The following KIF13B variants were observed in gnomAD, a reference collection of about 807,000 sequenced individuals.
KIF13B encodes kinesin-like protein KIF13B.
Under a neutral mutation model 222.0 loss-of-function variants are expected in KIF13B, and 127 were observed. The ratio of observed to expected loss-of-function variants is 0.57; its 90% CI spans 0.50 to 0.66. KIF13B has a LOEUF of 0.66. KIF13B is among the 30% of genes least tolerant of loss of function. The probability of loss-of-function intolerance (pLI) is 0.00; values close to 1 mark genes in which losing one functional copy is unlikely to be tolerated. For missense variants in KIF13B, 2,173 were observed against 2,379.0 expected, an observed-to-expected ratio of 0.91 and a Z score of 1.80; for synonymous variants, 976 against 919.0, an observed-to-expected ratio of 1.06 and a Z score of -1.12.
chr8:29,124,468 C>G (rs1810019723), intron 26 of KIF13B, among the ~76,000 whole-genome samples: 1 of 152,222 alleles, frequency 6.6e-6, no homozygotes, highest in African/African-American at 2.4e-5. Flanking sequence ...TCCAATATGG[C>G]TGGGCGTGGT....
At chr8:29,160,685 T>C (rs759273381) in intron 13 of KIF13B, 48 bp downstream of exon 13, 12 of 1,551,686 alleles carry the variant, frequency 7.7e-6, no homozygotes, top group East Asian at 4.6e-5. Context: ...CTGTGAAATA[T>C]TGTCCTATTT....
In KIF13B at chr8:29,232,832, C is replaced by T. The variant is rs1451670467; in HGVS notation, c.149+12514G>A. ...TCCATAGCACCCATACCACTGCCCACTCTCTCACCCCTCCAGCACCTGAAA... is the reference window on the plus strand; with the variant it reads ...TCCATAGCACCCATACCACTGCCCATTCTCTCACCCCTCCAGCACCTGAAA... On this transcript the variant is annotated intron_variant, in intron 2 of 39. Coordinates refer to ENST00000524189, the MANE Select transcript of KIF13B (RefSeq NM_015254.4). Among the ~76,000 whole-genome samples, 4 of 152,186 alleles carry T rather than the reference C, an allele frequency of 2.6e-5. No individual in the cohort carries two copies. The East Asian group carries it at 7.7e-4, about 29-fold the overall frequency.
chr8:29,215,100 A>T (rs1469652370), intron 2 of KIF13B, among the ~76,000 whole-genome samples: 1 of 152,098 alleles, frequency 6.6e-6, no homozygotes, highest in Non-Finnish European at 1.5e-5. Context: ...CATGAGTTGC[A>T]TTATGTTTGT....
chr8:29,137,095 C>T (rs1458198981), intron 21 of KIF13B, among the ~76,000 whole-genome samples: 7 of 152,210 alleles, frequency 4.6e-5, no homozygotes, highest in East Asian at 1.9e-4. Context: ...CCGCCGCGCC[C>T]GGCCCTGTGA....
chr8:29,150,146 C>T (rs903623843), intron 15 of KIF13B, 151 bp downstream of exon 15: 162 of 554,472 alleles, frequency 2.9e-4, no homozygotes, highest in Non-Finnish European at 3.3e-4. Context: ...AATGAACACA[C>T]ACACACATAT....
At position 29,148,209 on chromosome 8, in the gene KIF13B, A is replaced by G. The variant is rs531369232; in HGVS notation, c.1813+368T>C. Among the ~76,000 whole-genome samples, 213 of 152,348 alleles carry G rather than the reference A, an allele frequency of 1.4e-3. 1 individual carries two copies. Among genetic ancestry groups the G allele is most frequent in the African/African-American group, 4.5e-3 (187 of 41,580 alleles). ...GACAGAGCGAGACTCTCTCACAAAAAATTAAAATAAAATAAACAAGAGAGA... is the reference window on the plus strand; with the variant it reads ...GACAGAGCGAGACTCTCTCACAAAAGATTAAAATAAAATAAACAAGAGAGA... On this transcript the variant is annotated intron_variant, in intron 16 of 39. Transcript: ENST00000524189.
At position 29,167,400 on chromosome 8, in the gene KIF13B, T is replaced by C; in HGVS notation, c.1131A>G (p.Lys377=). 6.2e-7 allele frequency: 1 copy of C among 1,612,922 alleles called. No individual in the cohort carries two copies. Among genetic ancestry groups the C allele is most frequent in the Non-Finnish European group, 8.5e-7 (1 of 1,179,794 alleles). ...CTGCTTTGGTCAGCTGCTCCCGGAG[T>C]TTCTCAACTTCTTCCCGGAGATCCC... is the stretch of plus-strand genomic sequence containing the variant. ...IIRDLREEVE[K]LREQLTKAEA... is the part of the protein sequence containing the mutation. The change falls in exon 11 of 40, where the codon AAA becomes AAG. Residue 377 remains lysine (K), a synonymous_variant. Transcript: ENST00000524189.
intron 12 of KIF13B, among the ~76,000 whole-genome samples, chr8:29,162,170 C>A (rs1219367151): frequency 1.3e-5 from 2 of 152,066 alleles, no homozygotes; most frequent in Admixed American, 1.3e-4. Context: ...TAGCAAGTAG[C>A]AATGAGTCAA....
rs1437028786 is a variant in KIF13B, at chr8:29,124,045, G to C, written c.3331C>G (p.Gln1111Glu). The part of the protein sequence containing the change: ...KRQEYLDQQL[Q>E]KLVSKRDKTE... Reference sequence around the variant, plus strand: ...CTACCACGTTTACTGACAAGCTTTTGCAATTGTTGATCCAAGTACTCCTGA... The same window carrying C: ...CTACCACGTTTACTGACAAGCTTTTCCAATTGTTGATCCAAGTACTCCTGA... Residue 1111 changes from glutamine (Q) to glutamate (E), a missense_variant, in exon 27 of 40, where the codon CAA becomes GAA. Transcript: ENST00000524189. 5 of 1,610,070 alleles carry C rather than the reference G, an allele frequency of 3.1e-6. No individual in the cohort carries two copies. The Admixed American group carries it at 6.7e-5, about 22-fold the overall frequency.
At chr8:29,232,697 C>T (rs1815339285) in intron 2 of KIF13B, among the ~76,000 whole-genome samples, 1 of 152,264 alleles carries the variant, frequency 6.6e-6, no homozygotes, top group South Asian at 2.1e-4. Flanking sequence ...AACTTGTTCA[C>T]GGTAAGCACA....
chr8:29,123,823 AG>A (rs1486344385), intron 27 of KIF13B, among the ~76,000 whole-genome samples, 200 bp downstream of exon 27: 1 of 152,190 alleles, frequency 6.6e-6, no homozygotes, highest in Admixed American at 6.5e-5. Flanking sequence ...CTTTCTTTGT[AG>A]GGGGTGGGAG....
chr8:29,239,264 A>T (rs777408886), intron 2 of KIF13B, among the ~76,000 whole-genome samples: 3 of 152,174 alleles, frequency 2.0e-5, no homozygotes, highest in Non-Finnish European at 2.9e-5. Flanking sequence ...TTTGGTTCTG[A>T]TGTTTAAAGC....
chr8:29,078,143 A>AAAAAAAAAAAT (rs1290691485), intron 37 of KIF13B, among the ~76,000 whole-genome samples: 1 of 150,554 alleles, frequency 6.6e-6, no homozygotes, highest in African/African-American at 2.4e-5. Context: ...AAAAAAAAAA[A>AAAAAAAAAAAT]AATTAGCAGG....
rs2133462435 is a variant in KIF13B, at chr8:29,071,190, A to C, written c.5219-424T>G. Among the ~76,000 whole-genome samples, 1 of 152,256 alleles carries C rather than the reference A, an allele frequency of 6.6e-6. No homozygotes were observed. The highest frequency in any genetic ancestry group is 1.5e-5 in the Non-Finnish European group (1 of 67,996). On this transcript the variant is annotated intron_variant, in intron 39 of 39. Coordinates refer to ENST00000524189, the MANE Select transcript of KIF13B (RefSeq NM_015254.4). The surrounding 1 kb of genome is among the most constrained non-coding windows in gnomAD (Gnocchi z 4.9). The stretch of plus-strand genomic sequence containing the variant: ...AATGGTTCTTTTGCTGAATCTATGA[A>C]ATGGAAACTGGCAAAACTGCCAAAT...
In KIF13B at chr8:29,140,129, T is replaced by C. The variant is rs1464984153; in HGVS notation, c.2547A>G (p.Ala849=). ...RLSGDVGERI[A]GGDEVAEVSF... is the part of the protein sequence containing the mutation. The stretch of plus-strand genomic sequence containing the variant: ...AGACCTCTGCCACCTCATCGCCTCC[T>C]GCGATCCTCTCCCCAACATCACCAC... The change falls in exon 21 of 40, where the codon GCA becomes GCG. Residue 849 remains alanine (A), a synonymous_variant. Coordinates refer to ENST00000524189, the MANE Select transcript of KIF13B (RefSeq NM_015254.4). 1 of 1,613,334 alleles carries C rather than the reference T, an allele frequency of 6.2e-7. No homozygotes were observed. Among genetic ancestry groups the C allele is most frequent in the African/African-American group, 1.3e-5 (1 of 74,942 alleles).
At chr8:29,121,287 A>G (rs1353342460) in intron 29 of KIF13B, among the ~76,000 whole-genome samples, 41 of 55,778 alleles carry the variant, frequency 7.4e-4, no homozygotes, top group African/African-American at 2.9e-3. Context: ...GAGGCATCAC[A>G]CTACCTGACT....
In KIF13B at chr8:29,188,542, C is replaced by T. The variant is rs745902872; in HGVS notation, c.289G>A (p.Ala97Thr). ...ILQNAFDGYN[A>T]CIFAYGQTGS... ...GTCTGTCCATAGGCAAAGATACATG[C>T]ATTGTAGCCATCAAAAGCATTCTGC... is the stretch of plus-strand genomic sequence containing the variant. Residue 97 changes from alanine to threonine, a missense_variant, in exon 5 of 40, where the codon GCA becomes ACA. Around this residue, in one of 2 missense-constraint regions of KIF13B, gnomAD observed 1,480 missense variants for 1,722.8 expected, o/e 0.86. Transcript: ENST00000524189. 8.1e-6 allele frequency: 13 copies of T among 1,610,324 alleles called. No individual in the cohort carries two copies. The highest frequency in any genetic ancestry group is 1.7e-5 in the Admixed American group (1 of 59,966).
intron 21 of KIF13B, among the ~76,000 whole-genome samples, chr8:29,134,888 T>G (rs1369982341): frequency 6.6e-6 from 1 of 152,104 alleles, no homozygotes; most frequent in Non-Finnish European, 1.5e-5. Flanking sequence ...GGAAGGTGTA[T>G]CAAAGGAAGC....
intron 10 of KIF13B, among the ~76,000 whole-genome samples, chr8:29,168,930 G>A (rs13263360): frequency 0.6 from 91,821 of 151,998 alleles, 30,401 homozygotes; most frequent in Non-Finnish European, 0.76. Context: ...AACCCAGGCT[G>A]AGACAAATCA....
Sources: gnomAD v4.1 joint callset for allele counts (sites outside exome capture counted in the v4.1 genomes callset) on GRCh38, gnomAD v4.1.1 for gene constraint, gnomAD v4.1.1 regional missense constraint, Gnocchi (gnomAD v3.1) non-coding constraint, MANE v1.5 for transcripts, NCBI Gene and HGNC (gene_info 2026-07-23, HGNC 2026-07-21) for gene names.